The following TTLL1 variants were observed in gnomAD, a reference collection of about 807,000 sequenced individuals.
TTLL1 encodes polyglutamylase complex subunit TTLL1.
A neutral mutation model predicts 47.8 loss-of-function variants in TTLL1; 33 were observed. The ratio of observed to expected loss-of-function variants is 0.69; its 90% CI spans 0.52 to 0.92. TTLL1 has a LOEUF of 0.92. Ranked by LOEUF, TTLL1 falls within the 40% of genes least tolerant of loss-of-function variation. TTLL1 has a pLI of 0.00. For missense variants in TTLL1, 488 were observed against 547.5 expected (o/e 0.89, Z 1.08); for synonymous variants, 225 against 214.1 (o/e 1.05, Z -0.45).
rs138903477 is a variant in TTLL1, at chr22:43,068,777, C to T, written c.323-187G>A. On this transcript the variant is annotated intron_variant, in intron 4 of 10. Transcript: ENST00000266254. ...ACACTCACAAGTTACATTTATAGAG[C>T]CTACCTAAGCACCTTACAAACCTGT... is the stretch of plus-strand genomic sequence containing the variant. Among the ~76,000 whole-genome samples the T allele has an allele frequency of 1.7e-3, 263 of 151,450 alleles. 2 individuals are homozygous for T. Among genetic ancestry groups the T allele is most frequent in the African/African-American group, 6.0e-3 (243 of 40,794 alleles).
chr22:43,083,208 A>T (rs1351629115), intron 1 of TTLL1, among the ~76,000 whole-genome samples: 1 of 151,522 alleles, frequency 6.6e-6, no homozygotes, highest in Non-Finnish European at 1.5e-5. Context: ...CTACTAAAAA[A>T]AATACAAAAA....
At chr22:43,073,325 C>CTGTTTGTTTATT (rs767122813) in intron 3 of TTLL1, among the ~76,000 whole-genome samples, 2 of 142,626 alleles carry the variant, frequency 1.4e-5, no homozygotes. Flanking sequence ...TGCGCCCGGT[C>CTGTTTGTTTATT]TATTTATTTA....
intron 3 of TTLL1, among the ~76,000 whole-genome samples, chr22:43,074,745 G>T (rs889963109): frequency 2.6e-5 from 4 of 151,958 alleles, no homozygotes; most frequent in Non-Finnish European, 4.4e-5. Context: ...ACTCCAAACT[G>T]CTTCTTATTC....
chr22:43,051,720 G>T lies in TTLL1; in HGVS notation c.978+81C>A, dbSNP rs1231856335. The T allele has an allele frequency of 6.1e-6, 8 of 1,321,214 alleles. No homozygotes were observed. The South Asian group carries it at 8.2e-5, about 14-fold the overall frequency. The allele number at this position is 1,321,214 out of a possible 1,614,324, so 81.8% of individuals were successfully genotyped here. A position where few individuals can be genotyped will look rare whatever the true frequency, so the allele number is the denominator to read the frequency against. On this transcript the variant is annotated intron_variant, in intron 9 of 10. Coordinates refer to ENST00000266254, the MANE Select transcript of TTLL1 (RefSeq NM_012263.5). ...GCCTGAGAAACATCTGGGGCCTGGGGGACTGCTGGGCCCGAATCGGGGCAG... is the reference window on the plus strand; with the variant it reads ...GCCTGAGAAACATCTGGGGCCTGGGTGACTGCTGGGCCCGAATCGGGGCAG...
At chr22:43,045,466 A>AC (rs1926041791) in intron 10 of TTLL1, among the ~76,000 whole-genome samples, 1 of 123,406 alleles carries the variant, frequency 8.1e-6, no homozygotes, top group African/African-American at 3.1e-5. Flanking sequence ...ATCTTATTAT[A>AC]CCCATTTTTT....
chr22:43,057,944 ATATATATATTT>A (rs1282908213), intron 8 of TTLL1, among the ~76,000 whole-genome samples: 1 of 117,360 alleles, frequency 8.5e-6, no homozygotes, highest in East Asian at 5.0e-4. Context: ...AAATATATAT[ATATATATATTT>A]TTTTTTTTCT....
Position 43,051,889 on chromosome 22 carries a change from T to C in TTLL1, c.892-2A>G. On this transcript the variant is annotated splice_acceptor_variant, in intron 8 of 10. Coordinates refer to ENST00000266254, the MANE Select transcript of TTLL1 (RefSeq NM_012263.5). LOFTEE classifies it high-confidence loss of function. ...GTGCTTGTCATTGTTCATCACCGGC[T>C]GGAGAGAGAGTGACCAGTGGGTGAC... 1 of 1,613,798 alleles carries C rather than the reference T, an allele frequency of 6.2e-7. No individual in the cohort carries two copies. Among genetic ancestry groups the C allele is most frequent in the Non-Finnish European group, 8.5e-7 (1 of 1,179,944 alleles).
chr22:43,075,844 A>AC (rs530356846), intron 2 of TTLL1, among the ~76,000 whole-genome samples: 1 of 152,056 alleles, frequency 6.6e-6, no homozygotes, highest in East Asian at 1.9e-4. Flanking sequence ...TGCACAGATG[A>AC]CCCCTCACAA....
intron 2 of TTLL1, among the ~76,000 whole-genome samples, chr22:43,075,816 T>G (rs984877422): frequency 5.3e-5 from 8 of 152,212 alleles, no homozygotes; most frequent in Non-Finnish European, 1.2e-4. Flanking sequence ...AGGCCAGGGA[T>G]GCTGCTCGAT....
chr22:43,068,369 C>CTGGG (rs745891243), intron 5 of TTLL1, 41 bp downstream of exon 5: 6 of 1,430,392 alleles, frequency 4.2e-6, no homozygotes, highest in Non-Finnish European at 4.7e-6. Flanking sequence ...AAACGGTGAA[C>CTGGG]TGGGACCTGG....
At chr22:43,059,619 G>GC in intron 7 of TTLL1, 92 bp from the exon 8 acceptor site, 2 of 1,447,254 alleles carry the variant, frequency 1.4e-6, no homozygotes, top group South Asian at 1.4e-5. Flanking sequence ...TTTCTGGAGT[G>GC]CCCCCTGGGT....
chr22:43,039,527 AAAG>A lies in TTLL1; in HGVS notation c.*246_*248del. ...CTTGAAGCTGTTACTTTCTGTCAAA[AAAG>A]TGAGTTTTTAATATGAAAATTCTGC... is the stretch of plus-strand genomic sequence containing the variant. On this transcript the variant is annotated 3_prime_UTR_variant, in exon 11 of 11. Coordinates refer to ENST00000266254, the MANE Select transcript of TTLL1 (RefSeq NM_012263.5). The A allele has an allele frequency of 3.7e-6, 1 of 266,766 alleles. No individual in the cohort carries two copies. The highest frequency in any genetic ancestry group is 1.2e-3 in the Middle Eastern group (1 of 826). The allele number at this position is 266,766 out of a possible 1,614,324, so 16.5% of individuals were successfully genotyped here.
At chr22:43,055,574 G>A (rs1048614960) in intron 8 of TTLL1, among the ~76,000 whole-genome samples, 1 of 151,148 alleles carries the variant, frequency 6.6e-6, no homozygotes, top group Non-Finnish European at 1.5e-5. Context: ...CAAGCAATCT[G>A]CCCACCTTGA....
chr22:43,041,895 A>G (rs1300600679), intron 10 of TTLL1, among the ~76,000 whole-genome samples: 3 of 152,128 alleles, frequency 2.0e-5, no homozygotes, highest in Non-Finnish European at 2.9e-5. Context: ...CAGGATGATG[A>G]TACAGGGGCC....
chr22:43,079,259 A>T (rs13056486), intron 2 of TTLL1, among the ~76,000 whole-genome samples: 16 of 35,178 alleles, frequency 4.5e-4, no homozygotes, highest in Non-Finnish European at 5.5e-4. Flanking sequence ...ATGGGGGCCA[A>T]GGGAGCCGCA....
chr22:43,082,849 A>T (rs1233148096), intron 1 of TTLL1, among the ~76,000 whole-genome samples: 3 of 151,458 alleles, frequency 2.0e-5, no homozygotes, highest in African/African-American at 7.3e-5. Context: ...CCCCGTCTCT[A>T]CTAAAAATAC....
intron 7 of TTLL1, among the ~76,000 whole-genome samples, chr22:43,059,862 A>C (rs563367331): frequency 6.6e-6 from 1 of 150,496 alleles, no homozygotes; most frequent in Non-Finnish European, 1.5e-5. Flanking sequence ...GCTAATTTTT[A>C]AATTTTTTGT....
rs113923680 is a variant in TTLL1 at position 43,083,130 on chromosome 22, G to A, written c.-89-3144C>T. The stretch of plus-strand genomic sequence containing the variant: ...GCCTGTAATCCTAGCACTCTGGGAG[G>A]CCGAGGCAGGCAGATCACGAGGTCA... On this transcript the variant is annotated intron_variant, in intron 1 of 10. Coordinates refer to ENST00000266254, the MANE Select transcript of TTLL1 (RefSeq NM_012263.5). 1.9e-4 allele frequency among the ~76,000 whole-genome samples: 29 copies of A among 152,214 alleles called. 3 individuals carry two copies. Among genetic ancestry groups the A allele is most frequent in the African/African-American group, 5.8e-4 (24 of 41,552 alleles).
At chr22:43,063,949 C>T in intron 6 of TTLL1, 28 bp from the exon 7 acceptor site, 1 of 1,604,298 alleles carries the variant, frequency 6.2e-7, no homozygotes, top group Non-Finnish European at 8.5e-7. Flanking sequence ...TTAATTCAAA[C>T]TCTGAGGAGA....
Sources: gnomAD v4.1 joint callset for allele counts (sites outside exome capture counted in the v4.1 genomes callset) on GRCh38, gnomAD v4.1.1 for gene constraint, MANE v1.5 for transcripts, NCBI Gene and HGNC (gene_info 2026-07-23, HGNC 2026-07-21) for gene names.